SUZ12: variants seen among roughly 807,000 people sequenced by gnomAD.
The protein encoded by SUZ12 is polycomb protein SUZ12.
Under a neutral mutation model 87.3 loss-of-function variants are expected in SUZ12, and 17 were observed. That is an observed-to-expected ratio of 0.19 (90% CI 0.13 to 0.29). SUZ12 has a LOEUF of 0.29. Ranked by LOEUF, SUZ12 falls within the 10% of genes least tolerant of loss-of-function variation. SUZ12 has a pLI of 1.00. For synonymous variants in SUZ12, 253 were observed against 312.4 expected, an observed-to-expected ratio of 0.81 and a Z score of 2.01; for missense variants, 526 against 912.2, an observed-to-expected ratio of 0.58 and a Z score of 5.45.
At position 32,000,649 on chromosome 17, in the gene SUZ12, A is replaced by G. The variant is rs1322705231; in HGVS notation, c.*1646A>G. On this transcript the variant is annotated 3_prime_UTR_variant, in exon 16 of 16. Transcript: ENST00000322652. ...CACATATGTAAAAAAAAAAAAAAAA[A>G]GATTATTTTAGGGGAGATGTAGGTG... 1 of 229,350 alleles carries G rather than the reference A, an allele frequency of 4.4e-6. No homozygotes were observed. Among genetic ancestry groups the G allele is most frequent in the Non-Finnish European group, 8.6e-6 (1 of 115,976 alleles). The allele number at this position is 229,350 out of a possible 1,614,324, so 14.2% of individuals were successfully genotyped here.
chr17:31,994,524 G>C, intron 12 of SUZ12, 40 bp from the exon 13 acceptor site: 18 of 1,505,386 alleles, frequency 1.2e-5, no homozygotes, highest in Non-Finnish European at 1.6e-5. Flanking sequence ...ATTTAGGATA[G>C]GATACTTAAT....
chr17:31,995,478 G>T, intron 13 of SUZ12, 86 bp from the exon 14 acceptor site: 1 of 1,061,202 alleles, frequency 9.4e-7, no homozygotes, highest in East Asian at 2.4e-5. Context: ...TGATGTTGCA[G>T]ATTATCACAG....
At chr17:31,971,375 G>GA (rs1380858859) in intron 5 of SUZ12, among the ~76,000 whole-genome samples, 2 of 144,162 alleles carry the variant, frequency 1.4e-5, no homozygotes, top group Admixed American at 7.0e-5. Context: ...TTTAGGAGAA[G>GA]AAAAAAATTG....
At chr17:31,967,678 A>G (rs7215399) in intron 5 of SUZ12, 7,086 of 152,330 alleles carry the variant, frequency 0.047, 528 homozygotes, top group African/African-American at 0.16. Flanking sequence ...CCAGGACTTC[A>G]AGACCAGCCT....
chr17:31,978,311 C>T (rs762674536), intron 8 of SUZ12, among the ~76,000 whole-genome samples: 49 of 152,218 alleles, frequency 3.2e-4, no homozygotes, highest in Middle Eastern at 6.8e-3. Flanking sequence ...TGGGTTCAAG[C>T]GATTCACCTG....
chr17:31,947,228 G>C (rs1301140382), intron 3 of SUZ12, among the ~76,000 whole-genome samples: 1 of 152,086 alleles, frequency 6.6e-6, no homozygotes, highest in Non-Finnish European at 1.5e-5. Flanking sequence ...CCTTGAAGAA[G>C]AGCAATTACT....
At chr17:31,955,896 T>G (rs1907297993) in intron 4 of SUZ12, among the ~76,000 whole-genome samples, 1 of 151,728 alleles carries the variant, frequency 6.6e-6, no homozygotes, top group Non-Finnish European at 1.5e-5. Context: ...GTTTTTAAAG[T>G]TGTATATTAT....
chr17:31,980,429 C>CTTTTTTTTTTTTTTTTTTTTTTTTTT lies in SUZ12; in HGVS notation c.918-2558_918-2533dup, dbSNP rs58491591. On this transcript the variant is annotated intron_variant, in intron 8 of 15. Coordinates refer to ENST00000322652, the MANE Select transcript of SUZ12 (RefSeq NM_015355.4). ...TAAGATATACCAGAATCACCTTCTC[C>CTTTTTTTTTTTTTTTTTTTTTTTTTT]TTTTTTTTTTTTTTTTTTTTTTTTT... 3.7e-5 allele frequency among the ~76,000 whole-genome samples: 2 copies of CTTTTTTTTTTTTTTTTTTTTTTTTTT among 53,814 alleles called. 1 individual carries two copies. Among genetic ancestry groups the CTTTTTTTTTTTTTTTTTTTTTTTTTT allele is most frequent in the East Asian group, 2.7e-3 (2 of 734 alleles). 35.3% of individuals were successfully genotyped at this position (53,814 alleles called of 152,430 possible). A position where few individuals can be genotyped will look rare whatever the true frequency, so the allele number is the denominator to read the frequency against.
At chr17:31,958,583 C>A (rs1488024020) in intron 4 of SUZ12, among the ~76,000 whole-genome samples, 1 of 151,942 alleles carries the variant, frequency 6.6e-6, no homozygotes, top group Non-Finnish European at 1.5e-5. Flanking sequence ...TGCGGTGGCT[C>A]ACGCCTGTAA....
Position 31,980,468 on chromosome 17 carries a change from A to G in SUZ12, c.918-2531A>G, listed in dbSNP as rs1241883565. The stretch of plus-strand genomic sequence containing the variant: ...TTTTTTTTTTTTTTTTTTTTTTTTG[A>G]GACGGAGTTTTGCTCCTGTTGCCCA... On this transcript the variant is annotated intron_variant, in intron 8 of 15. Coordinates refer to ENST00000322652, the MANE Select transcript of SUZ12 (RefSeq NM_015355.4). 7.0e-5 allele frequency among the ~76,000 whole-genome samples: 2 copies of G among 28,560 alleles called. 1 individual carries two copies. The highest frequency in any genetic ancestry group is 1.0e-3 in the Admixed American group (2 of 1,996). The allele number at this position is 28,560 out of a possible 152,430, so 18.7% of individuals were successfully genotyped here.
intron 15 of SUZ12, among the ~76,000 whole-genome samples, chr17:31,998,401 A>T (rs1435957979): frequency 1.3e-5 from 2 of 152,178 alleles, no homozygotes; most frequent in Non-Finnish European, 2.9e-5. Flanking sequence ...AAGACTGCTT[A>T]TGTAATTGAA....
intron 3 of SUZ12, among the ~76,000 whole-genome samples, chr17:31,944,919 T>C (rs1330913558): frequency 5.3e-5 from 8 of 151,930 alleles, no homozygotes; most frequent in Non-Finnish European, 7.4e-5. Flanking sequence ...TTTTAAAAAA[T>C]TAGCTGGGCG....
At chr17:31,977,528 T>C (rs1908830625) in intron 8 of SUZ12, among the ~76,000 whole-genome samples, 1 of 152,076 alleles carries the variant, frequency 6.6e-6, no homozygotes, top group Non-Finnish European at 1.5e-5. Flanking sequence ...TCCGCCTGCC[T>C]TGGCCTCCCA....
chr17:31,996,648 C>G, intron 14 of SUZ12, 150 bp from the exon 15 acceptor site: 1 of 503,320 alleles, frequency 2.0e-6, no homozygotes, highest in South Asian at 3.2e-5. Context: ...AATTAAATGA[C>G]TACTTAAATA....
At chr17:31,981,025 C>G (rs1001739933) in intron 8 of SUZ12, among the ~76,000 whole-genome samples, 17 of 135,086 alleles carry the variant, frequency 1.3e-4, no homozygotes, top group Admixed American at 4.5e-4. Context: ...CAGCGACTGT[C>G]AAAAAAAAAA....
intron 4 of SUZ12, among the ~76,000 whole-genome samples, chr17:31,960,573 C>CTTTATTTATTA (rs1907645409): frequency 1.3e-5 from 2 of 151,696 alleles, no homozygotes; most frequent in African/African-American, 2.4e-5. Context: ...CCAATGTCAC[C>CTTTATTTATTA]TTTATTTATT....
At chr17:31,952,593 G>A (rs112653523) in intron 4 of SUZ12, among the ~76,000 whole-genome samples, 1 of 152,074 alleles carries the variant, frequency 6.6e-6, no homozygotes, top group East Asian at 1.9e-4. Context: ...GATGGAATGT[G>A]GCTTTGTCGC....
rs1312860975 is a variant in SUZ12, at chr17:32,000,520, G to A, written c.*1517G>A. On this transcript the variant is annotated 3_prime_UTR_variant, in exon 16 of 16. Coordinates refer to ENST00000322652, the MANE Select transcript of SUZ12 (RefSeq NM_015355.4). The stretch of plus-strand genomic sequence containing the variant: ...CTGCAGCTTTCATTACAGATTCCTT[G>A]ATTGGTAAGCTCTCCAAATGATGAG... 4.3e-6 allele frequency: 1 copy of A among 231,752 alleles called. No homozygotes were observed. The highest frequency in any genetic ancestry group is 8.5e-6 in the Non-Finnish European group (1 of 117,358). The allele number at this position is 231,752 out of a possible 1,614,324, so 14.4% of individuals were successfully genotyped here.
intron 6 of SUZ12, among the ~76,000 whole-genome samples, chr17:31,974,869 C>T (rs1908651422): frequency 6.6e-6 from 1 of 152,016 alleles, no homozygotes. Flanking sequence ...TTCAGTGTAA[C>T]TAATCATACA....
Sources: gnomAD v4.1 joint callset for allele counts (sites outside exome capture counted in the v4.1 genomes callset) on GRCh38, gnomAD v4.1.1 for gene constraint, MANE v1.5 for transcripts, NCBI Gene and HGNC (gene_info 2026-07-23, HGNC 2026-07-21) for gene names.